The following ATR variants were observed in gnomAD, a reference collection of about 807,000 sequenced individuals.
The protein encoded by ATR is ATR checkpoint kinase.
In ATR, 142 loss-of-function variants were observed where a neutral mutation model predicts 305.3. The observed-to-expected ratio is 0.47, with a 90% CI of 0.41 to 0.53. The LOEUF (loss-of-function observed/expected upper bound fraction) is 0.53, where lower values mean the gene tolerates loss of function less well. ATR is among the 20% of genes least tolerant of loss of function. The pLI is 0.00. For synonymous variants in ATR, 1,050 were observed against 1,068.1 expected (o/e 0.98, Z 0.33); for missense variants, 2,135 against 3,133.1 (o/e 0.68, Z 7.60).
At chr3:142,501,963 T>C (rs980505907) in intron 30 of ATR, among the ~76,000 whole-genome samples, 2 of 152,154 alleles carry the variant, frequency 1.3e-5, no homozygotes, top group Non-Finnish European at 2.9e-5. Context: ...GCCAGGCTGG[T>C]CTTGAACTAC....
Position 142,562,545 on chromosome 3 carries a change from T to C in ATR, c.857A>G (p.Asp286Gly). ...LLKHLVEMDT[D>G]QLKLYEEPLS... The stretch of plus-strand genomic sequence containing the variant: ...TGGCTCTTCATAGAGTTTCAATTGG[T>C]CAGTATCCATTTCTACAAGGTGTTT... The change falls in exon 4 of 47, where the codon GAC becomes GGC. Residue 286 changes from aspartate to glycine, a missense_variant. This residue lies in a region of ATR where 744 missense variants were observed against 873.2 expected (regional missense o/e 0.85). Coordinates refer to ENST00000350721, the MANE Select transcript of ATR (RefSeq NM_001184.4). 1 of 1,613,806 alleles carries C rather than the reference T, an allele frequency of 6.2e-7. No individual in the cohort carries two copies. Among genetic ancestry groups the C allele is most frequent in the South Asian group, 1.1e-5 (1 of 91,052 alleles).
intron 39 of ATR, 136 bp downstream of exon 39, chr3:142,467,798 A>G: frequency 2.0e-6 from 2 of 1,007,616 alleles, no homozygotes; most frequent in Non-Finnish European, 2.7e-6. Context: ...ATCATACATA[A>G]TTAAAATATA....
chr3:142,559,547 A>G (rs928522884), intron 6 of ATR, 106 bp from the exon 7 acceptor site: 2 of 1,053,026 alleles, frequency 1.9e-6, no homozygotes, highest in Admixed American at 2.2e-5. Context: ...TACGAAATTT[A>G]TCTATAACAA....
chr3:142,450,557 A>G, intron 46 of ATR: 5 of 1,607,572 alleles, frequency 3.1e-6, no homozygotes, highest in Non-Finnish European at 4.3e-6. Context: ...GTACCCTTTG[A>G]AGCACAAACT....
At chr3:142,567,260 A>ACAGGTAT (rs1483864440) in intron 2 of ATR, among the ~76,000 whole-genome samples, 1 of 152,218 alleles carries the variant, frequency 6.6e-6, no homozygotes, top group Non-Finnish European at 1.5e-5. Context: ...ATAAGGAGAA[A>ACAGGTAT]CAGGTATCTG....
rs1427228419 is a variant in ATR at position 142,514,264 on chromosome 3, CA to C, written c.4504-627del. ...TGAGTGACAGAGCGAGATTCCGTCT[CA>C]AAAAAAAAGAAAATGTCTTGAAGTT... On this transcript the variant is annotated intron_variant, in intron 25 of 46. Transcript: ENST00000350721. Among the ~76,000 whole-genome samples, 3 of 146,004 alleles carry C rather than the reference CA, an allele frequency of 2.1e-5. No individual in the cohort carries two copies. In the South Asian group the frequency reaches 6.6e-4, roughly 32 times the overall value.
chr3:142,496,802 G>C lies in ATR; in HGVS notation c.5738+211C>G, dbSNP rs545154543. ...AGTAAAAAACATATCCCCCAGATAT[G>C]TTTTTAACATCTTAAAAAAGAGAAA... On this transcript the variant is annotated intron_variant, in intron 33 of 46. Coordinates refer to ENST00000350721, the MANE Select transcript of ATR (RefSeq NM_001184.4). Among the ~76,000 whole-genome samples the C allele has an allele frequency of 8.1e-4, 124 of 152,204 alleles. 2 individuals carry two copies. The South Asian group carries it at 0.026, about 31-fold the overall frequency.
intron 36 of ATR, among the ~76,000 whole-genome samples, chr3:142,480,118 C>T (rs2030313112): frequency 1.3e-5 from 2 of 152,196 alleles, no homozygotes; most frequent in South Asian, 4.1e-4. Context: ...AGCTTTGTTC[C>T]GTTGCTGGTG....
intron 35 of ATR, among the ~76,000 whole-genome samples, chr3:142,485,886 C>T (rs73238201): frequency 0.15 from 22,861 of 152,142 alleles, 1,790 homozygotes; most frequent in Non-Finnish European, 0.18. Flanking sequence ...TCAGTCTTCA[C>T]CACTCCACTA....
chr3:142,487,260 C>G lies in ATR; in HGVS notation c.6079-1978G>C, dbSNP rs186553620. Reference sequence around the variant, plus strand: ...AAGGCAATCCTCCCTCCTCAGCCTACGGAGCAGCTGGGACTAGAGGCATGT... The same window carrying G: ...AAGGCAATCCTCCCTCCTCAGCCTAGGGAGCAGCTGGGACTAGAGGCATGT... On this transcript the variant is annotated intron_variant, in intron 35 of 46. Transcript: ENST00000350721. Among the ~76,000 whole-genome samples, 582 of 152,244 alleles carry G rather than the reference C, an allele frequency of 3.8e-3. 11 individuals are homozygous for G. The highest frequency in any genetic ancestry group is 0.014 in the African/African-American group (568 of 41,544).
At chr3:142,517,566 A>T (rs958212224) in intron 24 of ATR, among the ~76,000 whole-genome samples, 45 of 152,306 alleles carry the variant, frequency 3.0e-4, no homozygotes, top group African/African-American at 1.0e-3. Flanking sequence ...TCTTAATTTT[A>T]TGTGGCTCCA....
chr3:142,490,237 G>C (rs763635999), intron 35 of ATR, among the ~76,000 whole-genome samples: 6 of 152,078 alleles, frequency 3.9e-5, no homozygotes, highest in Non-Finnish European at 7.4e-5. Flanking sequence ...TTTTATTTTT[G>C]CAGAGACAGG....
intron 41 of ATR, among the ~76,000 whole-genome samples, chr3:142,463,001 C>A (rs963529423): frequency 7.9e-5 from 12 of 152,086 alleles, no homozygotes; most frequent in African/African-American, 2.9e-4. Flanking sequence ...TTGTAACCTG[C>A]TCAATTCAAA....
Position 142,449,479 on chromosome 3 carries a change from C to T in ATR, c.7885G>A (p.Asp2629Asn), listed in dbSNP as rs758432141. The T allele has an allele frequency of 6.2e-7, 1 of 1,613,386 alleles. No homozygotes were observed. The highest frequency in any genetic ancestry group is 1.1e-5 in the South Asian group (1 of 91,068). Reference sequence around the variant, plus strand: ...TACATCTGGCATAGTAAGTTTTCATCAGTAGCTTCCTGTATAAGGTAATGC... The same window carrying T: ...TACATCTGGCATAGTAAGTTTTCATTAGTAGCTTCCTGTATAAGGTAATGC... Reference protein sequence around the residue: ...HVHYLIQEATDENLLCQMYLG... With the variant: ...HVHYLIQEATNENLLCQMYLG... Residue 2629 changes from aspartate to asparagine, a missense_variant, in exon 47 of 47, where the codon GAT becomes AAT. By Grantham distance (23) the Asp-to-Asn change is conservative. Around this residue, in one of 9 missense-constraint regions of ATR, gnomAD observed 462 missense variants for 887.6 expected, o/e 0.52. Coordinates refer to ENST00000350721, the MANE Select transcript of ATR (RefSeq NM_001184.4).
intron 34 of ATR, among the ~76,000 whole-genome samples, chr3:142,494,870 C>A (rs1393712452): frequency 6.6e-6 from 1 of 152,018 alleles, no homozygotes; most frequent in Non-Finnish European, 1.5e-5. Flanking sequence ...ACTGCAATAA[C>A]GTATACAGGG....
intron 46 of ATR, chr3:142,451,975 C>G (rs2070801891): frequency 1.8e-6 from 2 of 1,091,438 alleles, no homozygotes; most frequent in African/African-American, 1.7e-5. Flanking sequence ...GGAACATGTC[C>G]CAGAGACCAT....
At chr3:142,477,124 A>G (rs563295428) in intron 36 of ATR, among the ~76,000 whole-genome samples, 4 of 152,296 alleles carry the variant, frequency 2.6e-5, no homozygotes, top group African/African-American at 9.6e-5. Flanking sequence ...AGAACTTCCA[A>G]CACTATGTTG....
chr3:142,450,358 G>GA (rs397711796), intron 46 of ATR: 1 of 1,258,378 alleles, frequency 7.9e-7, no homozygotes, highest in African/African-American at 3.4e-5. Flanking sequence ...ATTCAAGACA[G>GA]TGTTTAAGTT....
intron 23 of ATR, 37 bp from the exon 24 acceptor site, chr3:142,519,821 G>T: frequency 7.1e-7 from 1 of 1,416,256 alleles, no homozygotes; most frequent in Non-Finnish European, 1.0e-6. Flanking sequence ...AGTCCACAGT[G>T]AAGCAGATAA....
Sources: allele counts gnomAD v4.1 joint callset (sites outside exome capture counted in the v4.1 genomes callset), GRCh38; gene constraint gnomAD v4.1.1; regional missense constraint gnomAD v4.1.1; transcripts MANE v1.5; gene names NCBI Gene and HGNC (gene_info 2026-07-23, HGNC 2026-07-21).